The following MNAT1 variants were observed in gnomAD, a reference collection of about 807,000 sequenced individuals.
MNAT1 encodes the protein MNAT1 component of CDK activating kinase.
MNAT1 carries 43 observed loss-of-function variants against 42.0 expected under a neutral mutation model. That is an observed-to-expected ratio of 1.02 (90% CI 0.80 to 1.32). The LOEUF (loss-of-function observed/expected upper bound fraction) is 1.32. MNAT1 is among the 40% of genes most tolerant of loss of function. MNAT1 has a pLI of 0.00. For synonymous variants in MNAT1, 118 were observed against 120.0 expected, an observed-to-expected ratio of 0.98 and a Z score of 0.11; for missense variants, 306 against 350.4, an observed-to-expected ratio of 0.87 and a Z score of 1.01.
chr14:60,941,716 A>AG (rs1177733106), intron 7 of MNAT1, among the ~76,000 whole-genome samples: 1 of 150,998 alleles, frequency 6.6e-6, no homozygotes, highest in Non-Finnish European at 1.5e-5. Context: ...AAAAAAAAAA[A>AG]GTCAATGGCC....
In MNAT1 at chr14:60,840,634, C is replaced by CAT. The variant is rs199822547; in HGVS notation, c.687+21790_687+21791dup. ...AGTTCTAGTTACTATAGTCAAAGAA[C>CAT]ATATGTTAAAGGATTTCAAAAATCT... On this transcript the variant is annotated intron_variant, in intron 6 of 7. Transcript: ENST00000261245. Among the ~76,000 whole-genome samples, 780 of 152,178 alleles carry CAT rather than the reference C, an allele frequency of 5.1e-3. 10 individuals carry two copies. The highest frequency in any genetic ancestry group is 0.017 in the African/African-American group (702 of 41,534).
At chr14:60,763,193 C>G (rs895019186) in intron 1 of MNAT1, among the ~76,000 whole-genome samples, 1 of 152,094 alleles carries the variant, frequency 6.6e-6, no homozygotes, top group Non-Finnish European at 1.5e-5. Flanking sequence ...AAATTTCTTA[C>G]TGAGATTCAA....
At chr14:60,909,916 G>T (rs1394045771) in intron 7 of MNAT1, among the ~76,000 whole-genome samples, 1 of 152,038 alleles carries the variant, frequency 6.6e-6, no homozygotes, top group Non-Finnish European at 1.5e-5. Flanking sequence ...ACCTTGGGCA[G>T]TATGGCCATT....
Position 60,757,471 on chromosome 14 carries a change from T to C in MNAT1, c.89+22520T>C, listed in dbSNP as rs146746405. On this transcript the variant is annotated intron_variant, in intron 1 of 7. Transcript: ENST00000261245. ...AATTGAGACACTGAAATGTCTTGTT[T>C]GATAAAGTTATATTTTGTTTCAAAG... 5.5e-4 allele frequency among the ~76,000 whole-genome samples: 84 copies of C among 152,348 alleles called. 1 individual carries two copies. The East Asian group carries it at 0.012, about 21-fold the overall frequency.
rs1431055326 is a variant in MNAT1 at position 60,872,142 on chromosome 14, C to T, written c.688-7572C>T. Among the ~76,000 whole-genome samples, 6 of 152,178 alleles carry T rather than the reference C, an allele frequency of 3.9e-5. 1 individual carries two copies. In the South Asian group the frequency reaches 1.2e-3, roughly 32 times the overall value. On this transcript the variant is annotated intron_variant, in intron 6 of 7. Transcript: ENST00000261245. ...TGCAGGCTGTATGAGGAAGCTTTTA[C>T]TCATGGTGGATGGCACAGGGGGAGC...
intron 5 of MNAT1, among the ~76,000 whole-genome samples, chr14:60,815,511 A>G (rs949049124): frequency 1.3e-5 from 2 of 152,158 alleles, no homozygotes; most frequent in African/African-American, 4.8e-5. Context: ...CACCGCGCCC[A>G]GCCGCATATT....
At chr14:60,955,834 C>T (rs1215173936) in intron 7 of MNAT1, among the ~76,000 whole-genome samples, 4 of 151,722 alleles carry the variant, frequency 2.6e-5, no homozygotes, top group African/African-American at 7.3e-5. Flanking sequence ...TTTTTCATAC[C>T]TATGTGGCCT....
rs775053270 is a variant in MNAT1 at position 60,750,529 on chromosome 14, CTTTTTTTTTTTT to C, written c.89+15590_89+15601del. On this transcript the variant is annotated intron_variant, in intron 1 of 7. Transcript: ENST00000261245. ...ACAGGCGTGAGCCACTGCGCCCAGC[CTTTTTTTTTTTT>C]TTTTTTTTTTTGAAACAAGGAGGAA... Among the ~76,000 whole-genome samples, 3 of 90,678 alleles carry C rather than the reference CTTTTTTTTTTTT, an allele frequency of 3.3e-5. No homozygotes were observed. The South Asian group carries it at 1.0e-3, about 31-fold the overall frequency. 59.5% of individuals were successfully genotyped at this position (90,678 alleles called of 152,430 possible). A position where few individuals can be genotyped will look rare whatever the true frequency, so the allele number is the denominator to read the frequency against.
intron 7 of MNAT1, among the ~76,000 whole-genome samples, chr14:60,942,114 T>A (rs909566245): frequency 6.7e-6 from 1 of 149,242 alleles, no homozygotes; most frequent in Admixed American, 6.7e-5. Flanking sequence ...ACTAAAAAAA[T>A]TTTAAGCTGA....
At chr14:60,910,175 T>G (rs978034116) in intron 7 of MNAT1, among the ~76,000 whole-genome samples, 50 of 152,304 alleles carry the variant, frequency 3.3e-4, no homozygotes, top group East Asian at 2.7e-3. Context: ...CACTGATTTT[T>G]TATCCTGAGA....
At chr14:60,842,461 C>T (rs564357377) in intron 6 of MNAT1, among the ~76,000 whole-genome samples, 1 of 152,254 alleles carries the variant, frequency 6.6e-6, no homozygotes, top group East Asian at 1.9e-4. Context: ...TCAAAGGGTT[C>T]ATTTCATTTG....
At chr14:60,905,485 A>C (rs1247247263) in intron 7 of MNAT1, among the ~76,000 whole-genome samples, 1 of 152,192 alleles carries the variant, frequency 6.6e-6, no homozygotes, top group East Asian at 1.9e-4. Context: ...ATTGGCTCAC[A>C]TGATTATAGA....
intron 1 of MNAT1, among the ~76,000 whole-genome samples, chr14:60,747,802 G>A (rs1228931162): frequency 6.6e-6 from 1 of 152,146 alleles, no homozygotes; most frequent in East Asian, 1.9e-4. Context: ...TGAACTGTTT[G>A]ACTGTTTTGT....
intron 7 of MNAT1, among the ~76,000 whole-genome samples, chr14:60,906,481 G>C (rs937078676): frequency 6.6e-6 from 1 of 152,020 alleles, no homozygotes; most frequent in Non-Finnish European, 1.5e-5. Context: ...GTAGTGGCTT[G>C]TCCCAGCATG....
chr14:60,783,842 T>C (rs1267226434), intron 1 of MNAT1, among the ~76,000 whole-genome samples: 2 of 151,898 alleles, frequency 1.3e-5, no homozygotes, highest in Non-Finnish European at 2.9e-5. Flanking sequence ...TATTTACGTA[T>C]TTTTTGAGAT....
At chr14:60,925,912 C>T (rs889133187) in intron 7 of MNAT1, among the ~76,000 whole-genome samples, 6 of 152,110 alleles carry the variant, frequency 3.9e-5, no homozygotes, top group Non-Finnish European at 8.8e-5. Context: ...TATGTTATCA[C>T]AGAAATGCCA....
At chr14:60,867,082 A>G (rs2034218724) in intron 6 of MNAT1, among the ~76,000 whole-genome samples, 1 of 152,194 alleles carries the variant, frequency 6.6e-6, no homozygotes, top group East Asian at 1.9e-4. Context: ...TTTGCTAGAA[A>G]CATTTTCAGA....
chr14:60,812,449 G>T (rs2032582330), intron 5 of MNAT1, among the ~76,000 whole-genome samples: 1 of 152,178 alleles, frequency 6.6e-6, no homozygotes, highest in African/African-American at 2.4e-5. Context: ...GCAGCCAAAT[G>T]CCTAGGCAGA....
intron 1 of MNAT1, among the ~76,000 whole-genome samples, chr14:60,747,147 G>C (rs1017525186): frequency 3.2e-4 from 49 of 150,926 alleles, no homozygotes; most frequent in Admixed American, 2.7e-3. Context: ...ACCACGCCCG[G>C]CTAATTTTTT....
Sources: allele counts gnomAD v4.1 joint callset (sites outside exome capture counted in the v4.1 genomes callset), GRCh38; gene constraint gnomAD v4.1.1; transcripts MANE v1.5; gene names NCBI Gene and HGNC (gene_info 2026-07-23, HGNC 2026-07-21).